TNFAIP8: variants seen among roughly 807,000 people sequenced by gnomAD.
TNFAIP8 encodes the protein tumor necrosis factor alpha-induced protein 8.
A neutral mutation model predicts 13.3 loss-of-function variants in TNFAIP8; 7 were observed. The ratio of observed to expected loss-of-function variants is 0.52; its 90% CI spans 0.30 to 0.99. The LOEUF is 0.99. Ranked by LOEUF, TNFAIP8 falls within the 50% of genes least tolerant of loss-of-function variation. The probability of loss-of-function intolerance (pLI) is 0.07; values close to 1 mark genes in which losing one functional copy is unlikely to be tolerated. For synonymous variants in TNFAIP8, 94 were observed against 87.6 expected (o/e 1.07, Z -0.41); for missense variants, 258 against 236.9 (o/e 1.09, Z -0.58).
chr5:119,382,918 T>C (rs1752542350), intron 1 of TNFAIP8, among the ~76,000 whole-genome samples: 1 of 152,250 alleles, frequency 6.6e-6, no homozygotes, highest in Non-Finnish European at 1.5e-5. Context: ...TCACTGACTT[T>C]ATTCTACAAA....
At chr5:119,354,457 A>G (rs775844479), upstream of TNFAIP8, 7 of 152,152 alleles carry the variant, frequency 4.6e-5, no homozygotes, top group Admixed American at 2.0e-4. Context: ...GACCTCTTAC[A>G]TTAATATTTA....
intron 1 of TNFAIP8, among the ~76,000 whole-genome samples, chr5:119,332,550 A>G (rs1290065968): frequency 2.6e-5 from 4 of 152,198 alleles, no homozygotes; most frequent in Admixed American, 6.5e-5. Context: ...TAGGGAGAGT[A>G]AGATAGATAA....
At chr5:119,304,636 C>G (rs184193744) in intron 1 of TNFAIP8, among the ~76,000 whole-genome samples, 36 of 152,226 alleles carry the variant, frequency 2.4e-4, no homozygotes, top group Admixed American at 3.9e-4. Context: ...GCAAAGACCA[C>G]GATTGCATGA....
At chr5:119,296,754 C>T (rs1424269096) in intron 1 of TNFAIP8, among the ~76,000 whole-genome samples, 1 of 151,936 alleles carries the variant, frequency 6.6e-6, no homozygotes, top group Non-Finnish European at 1.5e-5. Context: ...TCCATCTGGT[C>T]CTGGACTCTT....
intron 1 of TNFAIP8, among the ~76,000 whole-genome samples, chr5:119,371,369 G>T (rs187876142): frequency 6.6e-6 from 1 of 152,182 alleles, no homozygotes; most frequent in East Asian, 1.9e-4. Flanking sequence ...CAACAGTAGC[G>T]TCTGTTTCCT....
At chr5:119,301,948 GA>G (rs1749408362) in intron 1 of TNFAIP8, among the ~76,000 whole-genome samples, 1 of 152,210 alleles carries the variant, frequency 6.6e-6, no homozygotes, top group Non-Finnish European at 1.5e-5. Context: ...AGAGAGGTGT[GA>G]AACAGATGTT....
At chr5:119,290,212 A>C (rs1226454354) in intron 1 of TNFAIP8, among the ~76,000 whole-genome samples, 2 of 151,766 alleles carry the variant, frequency 1.3e-5, no homozygotes, top group Non-Finnish European at 2.9e-5. Context: ...GTAGCTAAAA[A>C]CAACAAAAAA....
chr5:119,268,945 C>T (rs888125399), intron 1 of TNFAIP8: 2 of 684,578 alleles, frequency 2.9e-6, no homozygotes, highest in Non-Finnish European at 5.3e-6. Context: ...CGCGCACACT[C>T]CAGCGCGCCT....
intron 1 of TNFAIP8, among the ~76,000 whole-genome samples, chr5:119,377,289 G>C (rs1752319742): frequency 6.6e-6 from 1 of 152,000 alleles, no homozygotes; most frequent in South Asian, 2.1e-4. Context: ...TGTGGTCCCA[G>C]CTACTTAGGA....
At chr5:119,355,114 G>A, upstream of TNFAIP8, 1 of 564,560 alleles carries the variant, frequency 1.8e-6, no homozygotes, top group Non-Finnish European at 3.2e-6. Context: ...GTAGGGGCCT[G>A]TGGGCCAGAC....
intron 1 of TNFAIP8, among the ~76,000 whole-genome samples, chr5:119,337,577 G>A (rs964125638): frequency 7.2e-5 from 11 of 152,052 alleles, no homozygotes; most frequent in African/African-American, 2.7e-4. Context: ...TCATGTGCTT[G>A]GAAGTTAGCA....
chr5:119,340,184 A>C (rs906849574), intron 1 of TNFAIP8, among the ~76,000 whole-genome samples: 1 of 152,104 alleles, frequency 6.6e-6, no homozygotes, highest in Non-Finnish European at 1.5e-5. Context: ...CGGATTCCAA[A>C]CTCCACAGCG....
At chr5:119,330,266 G>A (rs901897464) in intron 1 of TNFAIP8, among the ~76,000 whole-genome samples, 11 of 152,208 alleles carry the variant, frequency 7.2e-5, no homozygotes, top group Non-Finnish European at 7.3e-5. Context: ...GAATGCCAAA[G>A]CATAAAGGCC....
At chr5:119,386,527 G>GTTTT (rs1171065306) in intron 1 of TNFAIP8, among the ~76,000 whole-genome samples, 2 of 152,212 alleles carry the variant, frequency 1.3e-5, no homozygotes, top group African/African-American at 4.8e-5. Context: ...GTTTTGTTTT[G>GTTTT]TTTTGTTTTG....
rs114310840 is a variant in TNFAIP8, at chr5:119,391,790, G to A, written c.32-1026G>A. On this transcript the variant is annotated intron_variant, in intron 1 of 1. Transcript: ENST00000504771. ...AAAAAAAAAAAAAAGATTGCTACAT[G>A]CATGGAGTGGGGAAAATTGTGGTAG... is the stretch of plus-strand genomic sequence containing the variant. 6.6e-3 allele frequency among the ~76,000 whole-genome samples: 1,000 copies of A among 151,174 alleles called. 13 individuals carry two copies. The highest frequency in any genetic ancestry group is 0.023 in the African/African-American group (932 of 41,158).
At chr5:119,348,660 C>T (rs956056450) in intron 1 of TNFAIP8, among the ~76,000 whole-genome samples, 1 of 152,028 alleles carries the variant, frequency 6.6e-6, no homozygotes, top group African/African-American at 2.4e-5. Flanking sequence ...GTGGGTGGAT[C>T]ACCTGAGGTC....
chr5:119,342,961 G>A (rs1018744157), intron 1 of TNFAIP8, among the ~76,000 whole-genome samples: 1 of 152,212 alleles, frequency 6.6e-6, no homozygotes, highest in African/African-American at 2.4e-5. Flanking sequence ...TCCAGTGCCG[G>A]ATGTTAGTTC....
chr5:119,296,621 C>T (rs1749186491), intron 1 of TNFAIP8, among the ~76,000 whole-genome samples: 1 of 152,314 alleles, frequency 6.6e-6, no homozygotes, highest in East Asian at 1.9e-4. Flanking sequence ...GCTTTGGTAT[C>T]AGGATGATGC....
At chr5:119,339,264 C>G (rs1750657092) in intron 1 of TNFAIP8, among the ~76,000 whole-genome samples, 1 of 152,082 alleles carries the variant, frequency 6.6e-6, no homozygotes, top group Non-Finnish European at 1.5e-5. Flanking sequence ...CCTCAGTGAC[C>G]AGCTTATTGG....
Sources: gnomAD v4.1 joint callset for allele counts (sites outside exome capture counted in the v4.1 genomes callset) on GRCh38, gnomAD v4.1.1 for gene constraint, MANE v1.5 for transcripts, NCBI Gene and HGNC (gene_info 2026-07-23, HGNC 2026-07-21) for gene names.